The following IGLL5 variants were observed in gnomAD, a reference collection of about 807,000 sequenced individuals.
IGLL5 encodes immunoglobulin lambda-like polypeptide 5.
A neutral mutation model predicts 20.9 loss-of-function variants in IGLL5; 30 were observed. That is an observed-to-expected ratio of 1.44 (90% CI 1.07 to 1.95). IGLL5 has a LOEUF of 1.95. Among genes scored for constraint, IGLL5 ranks in the 30% most tolerant of loss-of-function variants. IGLL5 has a pLI of 0.00. For missense variants in IGLL5, 475 were observed against 270.7 expected (o/e 1.75, Z -5.30); for synonymous variants, 203 against 117.3 (o/e 1.73, Z -4.72).
rs140037469 is a variant in IGLL5, at chr22:22,889,272, T to C, written c.206+1013T>C. 5.3e-3 allele frequency among the ~76,000 whole-genome samples: 806 copies of C among 150,838 alleles called. 10 individuals are homozygous for C. The highest frequency in any genetic ancestry group is 0.019 in the African/African-American group (770 of 41,126). ...GAGCACCCAGGGGCCCAGTTTCCTATGAAATGGGAGCATGAAGTTGAAGTG... is the reference window on the plus strand; with the variant it reads ...GAGCACCCAGGGGCCCAGTTTCCTACGAAATGGGAGCATGAAGTTGAAGTG... On this transcript the variant is annotated intron_variant, in intron 1 of 2. Transcript: ENST00000526893.
At chr22:22,894,194 T>G (rs545085369) in intron 2 of IGLL5, among the ~76,000 whole-genome samples, 3 of 151,456 alleles carry the variant, frequency 2.0e-5, no homozygotes, top group Admixed American at 6.6e-5. Context: ...GGGGTGGGCC[T>G]GGGAGCTGCT....
In IGLL5 at chr22:22,888,163, G is replaced by T; in HGVS notation, c.110G>T (p.Gly37Val). The T allele has an allele frequency of 1.9e-6, 3 of 1,549,222 alleles. No individual in the cohort carries two copies. The highest frequency in any genetic ancestry group is 2.6e-6 in the Non-Finnish European group (3 of 1,146,652). ...LLLGLAMVAH[G>V]LLRPMVAPQS... ...CTGGGTCTGGCCATGGTCGCCCATG[G>T]CCTGCTGCGCCCAATGGTTGCACCG... is the stretch of plus-strand genomic sequence containing the variant. Residue 37 changes from glycine (G) to valine (V), a missense_variant, in exon 1 of 3, where the codon GGC becomes GTC. Gly to Val is a moderately radical substitution (Grantham distance 109, BLOSUM62 -3). Transcript: ENST00000526893.
In IGLL5 at chr22:22,888,020, G is replaced by A. The variant is rs1446690837; in HGVS notation, c.-34G>A. The stretch of plus-strand genomic sequence containing the variant: ...GTCCTCCAGGGAGCCCATGCTGCAA[G>A]TCGGGCCAGAGGTGCCCCTGAACCT... On this transcript the variant is annotated 5_prime_UTR_variant, in exon 1 of 3. Transcript: ENST00000526893. 6.5e-7 allele frequency: 1 copy of A among 1,526,974 alleles called. No individual in the cohort carries two copies. Among genetic ancestry groups the A allele is most frequent in the Non-Finnish European group, 8.9e-7 (1 of 1,126,496 alleles). The allele number at this position is 1,526,974 out of a possible 1,614,324, so 94.6% of individuals were successfully genotyped here. A position where few individuals can be genotyped will look rare whatever the true frequency, so the allele number is the denominator to read the frequency against.
At position 22,888,569 on chromosome 22, in the gene IGLL5, G is replaced by C. The variant is rs1206776955; in HGVS notation, c.206+310G>C. ...CTGGGTAGGGAAGGAACAGAGGCAG[G>C]GACAGGACATCCACAGGGGGTGGTG... On this transcript the variant is annotated intron_variant, in intron 1 of 2. Transcript: ENST00000526893. Among the ~76,000 whole-genome samples, 3 of 151,324 alleles carry C rather than the reference G, an allele frequency of 2.0e-5. 1 individual carries two copies. Among genetic ancestry groups the C allele is most frequent in the African/African-American group, 4.8e-5 (2 of 41,294 alleles).
chr22:22,895,357 C>G lies in IGLL5; in HGVS notation c.326-18C>G, dbSNP rs201696268. On this transcript the variant is annotated intron_variant, in intron 2 of 2. Coordinates refer to ENST00000526893, the MANE Select transcript of IGLL5 (RefSeq NM_001178126.2). ...GTATTCTGTCTGCCCTCTCTCACCC[C>G]CTTCCCTGTCCACACAGGTCAGCCC... The G allele has an allele frequency of 3.0e-5, 49 of 1,609,778 alleles. No homozygotes were observed. The South Asian group carries it at 4.3e-4, about 14-fold the overall frequency.
chr22:22,894,240 G>T (rs142662485), intron 2 of IGLL5, among the ~76,000 whole-genome samples: 11 of 150,830 alleles, frequency 7.3e-5, no homozygotes, highest in South Asian at 4.3e-4. Flanking sequence ...CCCAAGAACA[G>T]CTGAGGGTCT....
At chr22:22,894,663 A>C (rs952805947) in intron 2 of IGLL5, among the ~76,000 whole-genome samples, 1 of 151,112 alleles carries the variant, frequency 6.6e-6, no homozygotes, top group Non-Finnish European at 1.5e-5. Flanking sequence ...GGGTCATCAC[A>C]GGCTGCTGGG....
At chr22:22,893,954 GGAGGA>G (rs2067956046) in intron 2 of IGLL5, 136 bp downstream of exon 2, 1 of 716,814 alleles carries the variant, frequency 1.4e-6, no homozygotes, top group Admixed American at 2.1e-5. Flanking sequence ...CATGGGGCCT[GGAGGA>G]GGTGCATTAG....
chr22:22,888,904 A>T (rs2067662710), intron 1 of IGLL5, among the ~76,000 whole-genome samples: 1 of 151,372 alleles, frequency 6.6e-6, no homozygotes, highest in African/African-American at 2.4e-5. Flanking sequence ...GGTCTCACAG[A>T]TCGAGGGGCA....
chr22:22,889,352 A>C (rs2067710093), intron 1 of IGLL5, among the ~76,000 whole-genome samples: 1 of 151,216 alleles, frequency 6.6e-6, no homozygotes, highest in African/African-American at 2.4e-5. Flanking sequence ...GGCATTAAAA[A>C]TGTATAACCA....
At chr22:22,890,921 T>C (rs993320933) in intron 1 of IGLL5, among the ~76,000 whole-genome samples, 7 of 151,250 alleles carry the variant, frequency 4.6e-5, no homozygotes, top group African/African-American at 1.5e-4. Flanking sequence ...CTGGTCATCA[T>C]GTTGCCCGCC....
rs559434477 is a variant in IGLL5, at chr22:22,889,161, A to G, written c.206+902A>G. ...GATGCGACGCCCGATTAGAGGAGGG[A>G]GGAGAGGGGGTGATGGCCAAGTCCA... On this transcript the variant is annotated intron_variant, in intron 1 of 2. Transcript: ENST00000526893. Among the ~76,000 whole-genome samples the G allele has an allele frequency of 2.0e-5, 3 of 150,904 alleles. 1 individual carries two copies. The highest frequency in any genetic ancestry group is 7.3e-5 in the African/African-American group (3 of 41,112).
intron 1 of IGLL5, among the ~76,000 whole-genome samples, chr22:22,891,631 T>C (rs73880719): frequency 0.012 from 1,832 of 151,432 alleles, 34 homozygotes; most frequent in African/African-American, 0.041. Context: ...ATCTTTATAA[T>C]GCTCAGTGTT....
intron 1 of IGLL5, among the ~76,000 whole-genome samples, chr22:22,889,084 T>C (rs180827507): frequency 5.3e-5 from 8 of 151,254 alleles, no homozygotes; most frequent in Admixed American, 2.6e-4. Flanking sequence ...GGTAGATTGA[T>C]TATCAGAGTC....
In IGLL5 at chr22:22,888,264, G is replaced by C. The variant is rs1271802167; in HGVS notation, c.206+5G>C. The C allele has an allele frequency of 3.2e-6, 5 of 1,547,018 alleles. 1 individual carries two copies. Among genetic ancestry groups the C allele is most frequent in the African/African-American group, 2.7e-5 (2 of 72,808 alleles). On this transcript the variant is annotated splice_donor_5th_base_variant and intron_variant, in intron 1 of 2. Transcript: ENST00000526893. Reference sequence around the variant, plus strand: ...CCTGCGGAGCCTGTGGGGCAGGTAAGGGGCAAGAGATTCCAGGGGATGTGG... The same window carrying C: ...CCTGCGGAGCCTGTGGGGCAGGTAACGGGCAAGAGATTCCAGGGGATGTGG...
chr22:22,893,925 A>C (rs186752102), intron 2 of IGLL5, 107 bp downstream of exon 2: 6 of 813,520 alleles, frequency 7.4e-6, no homozygotes, highest in Admixed American at 1.8e-5. Context: ...AGCCTTAAGC[A>C]CTGACCCTTA....
intron 2 of IGLL5, 54 bp downstream of exon 2, chr22:22,893,872 A>G (rs1389730507): frequency 1.1e-5 from 14 of 1,256,818 alleles, no homozygotes; most frequent in East Asian, 9.3e-5. Flanking sequence ...GTCCCTGGAA[A>G]ATCTGTTTTC....
At chr22:22,889,575 T>A (rs9623964) in intron 1 of IGLL5, among the ~76,000 whole-genome samples, 1 of 150,758 alleles carries the variant, frequency 6.6e-6, no homozygotes, top group African/African-American at 2.4e-5. Flanking sequence ...AAAAACACAA[T>A]TGTATTTGGG....
At chr22:22,890,700 T>C (rs976061501) in intron 1 of IGLL5, among the ~76,000 whole-genome samples, 1 of 150,714 alleles carries the variant, frequency 6.6e-6, no homozygotes, top group South Asian at 2.1e-4. Flanking sequence ...ATAGGTAGTG[T>C]TTCCAAAAGT....
Sources: allele counts gnomAD v4.1 joint callset (sites outside exome capture counted in the v4.1 genomes callset), GRCh38; gene constraint gnomAD v4.1.1; transcripts MANE v1.5; gene names NCBI Gene and HGNC (gene_info 2026-07-23, HGNC 2026-07-21).